The following STRN4 variants were observed in gnomAD, a reference collection of about 807,000 sequenced individuals.
The protein encoded by STRN4 is striatin 4.
A neutral mutation model predicts 77.9 loss-of-function variants in STRN4; 27 were observed. That is an observed-to-expected ratio of 0.35 (90% CI 0.26 to 0.48). STRN4 has a LOEUF of 0.48. STRN4 is among the 20% of genes least tolerant of loss of function. The pLI is 0.99. For missense variants in STRN4, 798 were observed against 1,049.7 expected, an observed-to-expected ratio of 0.76 and a Z score of 3.31; for synonymous variants, 466 against 443.1, an observed-to-expected ratio of 1.05 and a Z score of -0.65.
chr19:46,738,420 C>A lies in STRN4; in HGVS notation c.387-183G>T, dbSNP rs1180988233. The stretch of plus-strand genomic sequence containing the variant: ...GAAGAAACCACTCCCTGGAGTCAGG[C>A]AACCTAGGTTGCTCTCAGGGGTCCT... On this transcript the variant is annotated intron_variant, in intron 2 of 17. Transcript: ENST00000263280. The surrounding 1 kb of genome is among the most constrained non-coding windows in gnomAD (Gnocchi z 4.5). Among the ~76,000 whole-genome samples, 1 of 152,124 alleles carries A rather than the reference C, an allele frequency of 6.6e-6. No individual in the cohort carries two copies. Among genetic ancestry groups the A allele is most frequent in the Non-Finnish European group, 1.5e-5 (1 of 68,020 alleles).
Position 46,727,950 on chromosome 19 carries a change from A to G in STRN4, c.1097T>C (p.Leu366Pro), listed in dbSNP as rs1818144793. ...ILADLRDVDG[L>P]PPKVTGPPPG... ...AGGCGGGCCAGTCACTTTTGGGGGC[A>G]GCCCATCCACATCCCGCAGGTCAGC... The change falls in exon 8 of 18, where the codon CTG becomes CCG. Residue 366 changes from leucine to proline, a missense_variant. Coordinates refer to ENST00000263280, the MANE Select transcript of STRN4 (RefSeq NM_013403.3). 2 of 1,613,768 alleles carry G rather than the reference A, an allele frequency of 1.2e-6. No individual in the cohort carries two copies. The highest frequency in any genetic ancestry group is 1.7e-6 in the Non-Finnish European group (2 of 1,179,828).
chr19:46,728,602 G>GA lies in STRN4; in HGVS notation c.1039+15dup, dbSNP rs1382503506. ...GGGGAAGGCAAGCGGGGGCTGGCCA[G>GA]AAAACGTCAGCTCACCCAGCTCATG... On this transcript the variant is annotated intron_variant, in intron 7 of 17. Transcript: ENST00000263280. 6.2e-7 allele frequency: 1 copy of GA among 1,608,156 alleles called. No individual in the cohort carries two copies. Among genetic ancestry groups the GA allele is most frequent in the South Asian group, 1.1e-5 (1 of 90,960 alleles).
At chr19:46,725,423 C>A in intron 10 of STRN4, 44 bp from the exon 11 acceptor site, 1 of 1,613,850 alleles carries the variant, frequency 6.2e-7, no homozygotes, top group Non-Finnish European at 8.5e-7. Flanking sequence ...GACCCTGTCA[C>A]CCCCGTCCCC....
Position 46,733,594 on chromosome 19 carries a change from A to G in STRN4, c.540-358T>C. The G allele has an allele frequency of 4.2e-6, 1 of 239,928 alleles. No individual in the cohort carries two copies. Among genetic ancestry groups the G allele is most frequent in the Non-Finnish European group, 8.3e-6 (1 of 121,200 alleles). The allele number at this position is 239,928 out of a possible 1,614,324, so 14.9% of individuals were successfully genotyped here. Reference sequence around the variant, plus strand: ...TTAAGGGAAGCTGGCCACGGTAAACAGCAGAACGAAAACGCTAAGTTCTAT... The same window carrying G: ...TTAAGGGAAGCTGGCCACGGTAAACGGCAGAACGAAAACGCTAAGTTCTAT... On this transcript the variant is annotated intron_variant, in intron 4 of 17. Transcript: ENST00000263280. This position sits in a 1 kb window ranked among gnomAD's most constrained non-coding sequence, Gnocchi z 4.3.
chr19:46,722,200 G>T, intron 15 of STRN4, 42 bp downstream of exon 15: 1 of 1,604,154 alleles, frequency 6.2e-7, no homozygotes, highest in East Asian at 2.2e-5. Flanking sequence ...GCCTGCCTCT[G>T]GCCCTCCCCA....
At position 46,730,807 on chromosome 19, in the gene STRN4, C is replaced by T. The variant is rs771074340; in HGVS notation, c.804G>A (p.Leu268=). 6.2e-7 allele frequency: 1 copy of T among 1,612,954 alleles called. No individual in the cohort carries two copies. Among genetic ancestry groups the T allele is most frequent in the Non-Finnish European group, 8.5e-7 (1 of 1,180,016 alleles). ...CGCTGTCTTCGTCCTCGCAGTTCTG[C>T]AGGAAGGGGATCTGCCCCAGCACTG... ...GGSVLGQIPF[L]QNCEDEDSDE... Residue 268 remains leucine (L), a synonymous_variant, in exon 6 of 18, where the codon CTG becomes CTA. Coordinates refer to ENST00000263280, the MANE Select transcript of STRN4 (RefSeq NM_013403.3).
chr19:46,742,743 A>G (rs768683713), intron 1 of STRN4, among the ~76,000 whole-genome samples: 1 of 152,052 alleles, frequency 6.6e-6, no homozygotes, highest in Non-Finnish European at 1.5e-5. Flanking sequence ...CTGTATTTTT[A>G]GTAGAGGTGG....
At chr19:46,744,759 G>A (rs954188230) in intron 1 of STRN4, among the ~76,000 whole-genome samples, 5 of 151,778 alleles carry the variant, frequency 3.3e-5, no homozygotes, top group Admixed American at 1.3e-4. Context: ...CAAATCGGAA[G>A]GGGAAAGGTG....
intron 6 of STRN4, among the ~76,000 whole-genome samples, chr19:46,729,118 T>C (rs148780992): frequency 1.2e-4 from 18 of 152,320 alleles, no homozygotes; most frequent in African/African-American, 4.3e-4. Flanking sequence ...TGTGTGAATA[T>C]ACGGAGGTGC....
intron 1 of STRN4, among the ~76,000 whole-genome samples, chr19:46,739,773 C>A (rs2054440499): frequency 6.6e-6 from 1 of 152,260 alleles, no homozygotes; most frequent in Admixed American, 6.5e-5. Context: ...CTTCTCTGAG[C>A]CTCCATTTGC....
At chr19:46,720,909 A>C (rs1599853694) in intron 16 of STRN4, 138 bp from the exon 17 acceptor site, 1 of 1,040,742 alleles carries the variant, frequency 9.6e-7, no homozygotes, top group Non-Finnish European at 1.3e-6. Context: ...TCTGCTCATC[A>C]CCTCCTGTGG....
chr19:46,730,544 C>T (rs1308986023), intron 6 of STRN4, among the ~76,000 whole-genome samples, 188 bp downstream of exon 6: 6 of 152,224 alleles, frequency 3.9e-5, no homozygotes, highest in South Asian at 2.1e-4. Flanking sequence ...CACCACAACG[C>T]GTCCTTCTGC....
Position 46,720,219 on chromosome 19 carries a change from TGCTTGGGGAAGGCA to T in STRN4, c.*172_*185del, listed in dbSNP as rs376667936. 29 of 173,844 alleles carry T rather than the reference TGCTTGGGGAAGGCA, an allele frequency of 1.7e-4. No individual in the cohort carries two copies. The highest frequency in any genetic ancestry group is 6.1e-4 in the African/African-American group (26 of 42,420). 10.8% of individuals were successfully genotyped at this position (173,844 alleles called of 1,614,324 possible). ...GAAAGGGGCCCATCCCCAGGCTGGA[TGCTTGGGGAAGGCA>T]GCCGTTGGGGAGGGATTCCTGGGGA... On this transcript the variant is annotated 3_prime_UTR_variant, in exon 18 of 18. Transcript: ENST00000263280.
chr19:46,729,573 G>A (rs1341458143), intron 6 of STRN4, among the ~76,000 whole-genome samples: 1 of 152,202 alleles, frequency 6.6e-6, no homozygotes, highest in Non-Finnish European at 1.5e-5. Flanking sequence ...GAAGGGGAGG[G>A]TTTAGACAGC....
intron 9 of STRN4, chr19:46,726,244 C>T (rs12976047): frequency 6.5e-6 from 1 of 152,892 alleles, no homozygotes; most frequent in Admixed American, 6.5e-5. Context: ...CGCATTTCAT[C>T]CTAAGAAAAA....
intron 6 of STRN4, among the ~76,000 whole-genome samples, chr19:46,730,222 G>A (rs944195379): frequency 6.6e-6 from 1 of 152,208 alleles, no homozygotes; most frequent in African/African-American, 2.4e-5. Flanking sequence ...CTTGGGGTGC[G>A]ACTCTGTGCT....
chr19:46,737,724 G>A (rs113268225), intron 3 of STRN4, among the ~76,000 whole-genome samples: 6 of 152,240 alleles, frequency 3.9e-5, no homozygotes, highest in Non-Finnish European at 5.9e-5. Flanking sequence ...CATGTCTCCC[G>A]TGCTCTCTGC....
intron 1 of STRN4, among the ~76,000 whole-genome samples, chr19:46,743,729 ATCT>A (rs2054516094): frequency 1.3e-5 from 2 of 151,916 alleles, no homozygotes; most frequent in Admixed American, 1.3e-4. Flanking sequence ...GCAAAACCCC[ATCT>A]CTACTAAAAA....
At chr19:46,722,650 C>T (rs1027776074) in intron 14 of STRN4, among the ~76,000 whole-genome samples, 160 bp downstream of exon 14, 6 of 152,212 alleles carry the variant, frequency 3.9e-5, no homozygotes, top group African/African-American at 7.2e-5. Context: ...CTGTGAGGGC[C>T]GGGGGCCCTC....
Sources: gnomAD v4.1 joint callset for allele counts (sites outside exome capture counted in the v4.1 genomes callset) on GRCh38, gnomAD v4.1.1 for gene constraint, Gnocchi (gnomAD v3.1) non-coding constraint, MANE v1.5 for transcripts, NCBI Gene and HGNC (gene_info 2026-07-23, HGNC 2026-07-21) for gene names.